Variants in ANO6 observed in about 807,000 individuals in gnomAD.
ANO6 encodes the protein anoctamin-6.
A neutral mutation model predicts 117.5 loss-of-function variants in ANO6; 106 were observed. The observed-to-expected ratio is 0.90, with a 90% CI of 0.77 to 1.06. The LOEUF (loss-of-function observed/expected upper bound fraction) is 1.06, where lower values mean the gene tolerates loss of function less well. Ranked by LOEUF, ANO6 falls within the 50% of genes least tolerant of loss-of-function variation. ANO6 has a pLI of 0.00. For synonymous variants in ANO6, 367 were observed against 385.1 expected, an observed-to-expected ratio of 0.95 and a Z score of 0.55; for missense variants, 955 against 1,121.1, an observed-to-expected ratio of 0.85 and a Z score of 2.12.
intron 9 of ANO6, among the ~76,000 whole-genome samples, chr12:45,368,454 A>G (rs1405187927): frequency 6.6e-6 from 1 of 152,198 alleles, no homozygotes; most frequent in Non-Finnish European, 1.5e-5. Context: ...TATGCATGAG[A>G]AGGGTTTTAT....
chr12:45,238,178 TCTCA>T lies in ANO6; in HGVS notation c.70+21791_70+21794del, dbSNP rs539834558. 6.6e-3 allele frequency among the ~76,000 whole-genome samples: 943 copies of T among 143,090 alleles called. 11 individuals carry two copies. The highest frequency in any genetic ancestry group is 0.023 in the African/African-American group (878 of 37,406). The allele number at this position is 143,090 out of a possible 152,430, so 93.9% of individuals were successfully genotyped here. ...TTTTTTTTTTTTTTTTGAGACAGAG[TCTCA>T]CTCTGTCGCCCAGGCTGGAGTGCAG... is the stretch of plus-strand genomic sequence containing the variant. On this transcript the variant is annotated intron_variant, in intron 1 of 19. Transcript: ENST00000320560.
chr12:45,220,391 T>C lies in ANO6; in HGVS notation c.70+4000T>C, dbSNP rs138829524. On this transcript the variant is annotated intron_variant, in intron 1 of 19. Coordinates refer to ENST00000320560, the MANE Select transcript of ANO6 (RefSeq NM_001025356.3). ...TCCAGCTATTGGCTCCCTTTTCAAC[T>C]GTCACATTTTTACATAGACTTATCT... Among the ~76,000 whole-genome samples, 518 of 152,352 alleles carry C rather than the reference T, an allele frequency of 3.4e-3. 2 individuals are homozygous for C. The highest frequency in any genetic ancestry group is 0.011 in the African/African-American group (478 of 41,576).
intron 1 of ANO6, among the ~76,000 whole-genome samples, chr12:45,267,353 A>T (rs1181083886): frequency 6.6e-6 from 1 of 152,124 alleles, no homozygotes; most frequent in Non-Finnish European, 1.5e-5. Context: ...GGATTAGGGC[A>T]CACTCTCACA....
At position 45,424,070 on chromosome 12, in the gene ANO6, A is replaced by G. The variant is rs1461858153; in HGVS notation, c.2526+1008A>G. The stretch of plus-strand genomic sequence containing the variant: ...TACCAAACATTAAACAGGGAAGACA[A>G]GTAACTCACGGTTAGTATCTGACTC... On this transcript the variant is annotated intron_variant, in intron 19 of 19. Coordinates refer to ENST00000320560, the MANE Select transcript of ANO6 (RefSeq NM_001025356.3). 3.3e-5 allele frequency among the ~76,000 whole-genome samples: 5 copies of G among 151,984 alleles called. No homozygotes were observed. The South Asian group carries it at 6.2e-4, about 19-fold the overall frequency.
In ANO6 at chr12:45,390,420, G is replaced by A; in HGVS notation, c.1309-1G>A. The A allele has an allele frequency of 6.2e-7, 1 of 1,613,298 alleles. No homozygotes were observed. Among genetic ancestry groups the A allele is most frequent in the Non-Finnish European group, 8.5e-7 (1 of 1,179,402 alleles). ...CTAAACTTTTTTGTTTTTGTAATTA[G>A]GAAGAAGAACGCATTCCCTTTACTG... On this transcript the variant is annotated splice_acceptor_variant, in intron 11 of 19. Coordinates refer to ENST00000320560, the MANE Select transcript of ANO6 (RefSeq NM_001025356.3). LOFTEE classifies it high-confidence loss of function.
intron 1 of ANO6, among the ~76,000 whole-genome samples, chr12:45,241,199 G>T (rs979415866): frequency 2.0e-5 from 3 of 152,194 alleles, no homozygotes; most frequent in African/African-American, 7.2e-5. Flanking sequence ...ATCAAACATA[G>T]ATTTGGTCTT....
At chr12:45,339,349 A>G (rs1212762559) in intron 3 of ANO6, among the ~76,000 whole-genome samples, 6 of 152,124 alleles carry the variant, frequency 3.9e-5, no homozygotes, top group African/African-American at 1.4e-4. Flanking sequence ...TTAAGCAGAT[A>G]AGTTTGGAAA....
At chr12:45,244,308 A>G (rs1947789484) in intron 1 of ANO6, among the ~76,000 whole-genome samples, 2 of 151,196 alleles carry the variant, frequency 1.3e-5, no homozygotes, top group Admixed American at 6.6e-5. Context: ...CATAGTGGAT[A>G]ACCTTTTTGA....
At chr12:45,220,307 CA>C in intron 1 of ANO6, among the ~76,000 whole-genome samples, 1 of 152,068 alleles carries the variant, frequency 6.6e-6, no homozygotes, top group Non-Finnish European at 1.5e-5. Flanking sequence ...CACTAATGGT[CA>C]TGTATGTCAT....
rs755797821 is a variant in ANO6, at chr12:45,331,344, G to T, written c.200G>T (p.Arg67Leu). Reference sequence around the variant, plus strand: ...TCCCTCTTTTTTAATGATGGCCAGCGAAGAATTGACTTTGTTCTAGTATAT... The same window carrying T: ...TCCCTCTTTTTTAATGATGGCCAGCTAAGAATTGACTTTGTTCTAGTATAT... ...PDSLFFNDGQ[R>L]RIDFVLVYED... The change falls in exon 3 of 20, where the codon CGA (arginine) becomes CTA (leucine). Residue 67 changes from arginine to leucine, a missense_variant. Physicochemically the swap from Arg to Leu is moderately radical, Grantham distance 102. Transcript: ENST00000320560. 1 of 1,609,972 alleles carries T rather than the reference G, an allele frequency of 6.2e-7. No individual in the cohort carries two copies. The highest frequency in any genetic ancestry group is 8.5e-7 in the Non-Finnish European group (1 of 1,178,010).
intron 9 of ANO6, 108 bp downstream of exon 9, chr12:45,367,901 A>G (rs1383303673): frequency 7.5e-6 from 6 of 804,992 alleles, no homozygotes; most frequent in Non-Finnish European, 1.0e-5. Context: ...GAATTAAGAT[A>G]TTTTTCAACT....
In ANO6 at chr12:45,402,011, A is replaced by G. The variant is rs1454267440; in HGVS notation, c.1603A>G (p.Thr535Ala). 2 of 1,613,460 alleles carry G rather than the reference A, an allele frequency of 1.2e-6. No homozygotes were observed. Among genetic ancestry groups the G allele is most frequent in the Admixed American group, 1.7e-5 (1 of 60,026 alleles). ...ATATGAAAAAGTGGCAATTATGATT[A>G]CTAACTTCGGTAAGGTCCTACTATA... is the stretch of plus-strand genomic sequence containing the variant. Reference protein sequence around the residue: ...TIYEKVAIMITNFELPRTQTD... With the variant: ...TIYEKVAIMIANFELPRTQTD... Residue 535 changes from threonine (T) to alanine (A), a missense_variant, in exon 13 of 20, where the codon ACT becomes GCT. Transcript: ENST00000320560.
chr12:45,228,317 T>TA (rs1947520213), intron 1 of ANO6: 2 of 292,748 alleles, frequency 6.8e-6, no homozygotes, highest in Non-Finnish European at 1.3e-5. Context: ...TTTTTTTTTT[T>TA]ATTATTAGAG....
intron 1 of ANO6, among the ~76,000 whole-genome samples, chr12:45,250,980 G>A (rs917353582): frequency 3.3e-5 from 5 of 151,858 alleles, no homozygotes; most frequent in African/African-American, 1.2e-4. Context: ...GGTTGAGGTG[G>A]GAGGATCTCT....
At chr12:45,266,805 A>T (rs1323642407) in intron 1 of ANO6, among the ~76,000 whole-genome samples, 1 of 145,658 alleles carries the variant, frequency 6.9e-6, no homozygotes, top group African/African-American at 2.6e-5. Flanking sequence ...TCAAAAAACA[A>T]GTGTGTGTGT....
In ANO6 at chr12:45,429,607, A is replaced by G; in HGVS notation, c.*296A>G. On this transcript the variant is annotated 3_prime_UTR_variant, in exon 20 of 20. Coordinates refer to ENST00000320560, the MANE Select transcript of ANO6 (RefSeq NM_001025356.3). ...GTGTGCTTAAAAACCACCCCTTCTAAAGTAGAATGGATTCTTTTTTTTCTG... is the reference window on the plus strand; with the variant it reads ...GTGTGCTTAAAAACCACCCCTTCTAGAGTAGAATGGATTCTTTTTTTTCTG... 8.3e-7 allele frequency: 1 copy of G among 1,200,858 alleles called. No individual in the cohort carries two copies. Among genetic ancestry groups the G allele is most frequent in the Non-Finnish European group, 1.0e-6 (1 of 959,200 alleles). The allele number at this position is 1,200,858 out of a possible 1,614,324, so 74.4% of individuals were successfully genotyped here. A position where few individuals can be genotyped will look rare whatever the true frequency, so the allele number is the denominator to read the frequency against.
chr12:45,434,768 C>T (rs536045543), downstream of ANO6, among the ~76,000 whole-genome samples: 2 of 152,260 alleles, frequency 1.3e-5, no homozygotes, highest in South Asian at 4.1e-4. Context: ...GAAAAGCAAA[C>T]ATATGTAAGG....
rs538738807 is a variant in ANO6 at position 45,372,593 on chromosome 12, T to C, written c.1104+4800T>C. On this transcript the variant is annotated intron_variant, in intron 9 of 19. Transcript: ENST00000320560. ...AAGAAAAGAATTTTCAACCCAGAAT[T>C]TCATATCCAGCCAAACTAAGCTTCA... is the stretch of plus-strand genomic sequence containing the variant. Among the ~76,000 whole-genome samples the C allele has an allele frequency of 8.1e-3, 1,202 of 147,602 alleles. 14 individuals are homozygous for C. The highest frequency in any genetic ancestry group is 0.028 in the African/African-American group (1,101 of 39,546).
intron 1 of ANO6, among the ~76,000 whole-genome samples, chr12:45,220,103 T>A (rs1947374027): frequency 6.6e-6 from 1 of 152,142 alleles, no homozygotes; most frequent in South Asian, 2.1e-4. Context: ...GAAATCAGAT[T>A]AGTATGCTGC....
Sources: allele counts gnomAD v4.1 joint callset (sites outside exome capture counted in the v4.1 genomes callset), GRCh38; gene constraint gnomAD v4.1.1; transcripts MANE v1.5; gene names NCBI Gene and HGNC (gene_info 2026-07-23, HGNC 2026-07-21).